ARB2A: variants seen among roughly 807,000 people sequenced by gnomAD.
The protein encoded by ARB2A is ARB2 cotranscriptional regulator A.
At chr5:94,052,219 C>T in the ARB2A span, among the ~76,000 whole-genome samples, 4 of 152,050 alleles carry the variant, frequency 2.6e-5, no homozygotes, top group African/African-American at 9.7e-5. Context: ...AGGGGTATTC[C>T]CGGGGTAATC....
At chr5:93,621,214 CTCCCGACCACCCGG>C in the ARB2A span, 4 of 1,330,290 alleles carry the variant, frequency 3.0e-6, no homozygotes, top group Non-Finnish European at 3.9e-6. Context: ...CGAGCCCCGG[CTCCCGACCACCCGG>C]TCCCGCCCCT....
At chr5:93,936,973 CT>C in the ARB2A span, among the ~76,000 whole-genome samples, 1 of 145,226 alleles carries the variant, frequency 6.9e-6, no homozygotes, top group Admixed American at 6.9e-5. Context: ...CGGAGTCTCG[CT>C]CTGTCACCCA....
chr5:93,833,805 T>C, the ARB2A span, among the ~76,000 whole-genome samples: 1 of 152,158 alleles, frequency 6.6e-6, no homozygotes, highest in African/African-American at 2.4e-5. Flanking sequence ...CTGAGCAGGG[T>C]TTTTACACCT....
the ARB2A span, among the ~76,000 whole-genome samples, chr5:93,762,030 T>G: frequency 1.3e-5 from 2 of 151,430 alleles, no homozygotes; most frequent in East Asian, 3.9e-4. Flanking sequence ...AGAAAGGACA[T>G]CCACACCAAA....
At chr5:93,674,121 A>G in the ARB2A span, among the ~76,000 whole-genome samples, 1 of 152,246 alleles carries the variant, frequency 6.6e-6, no homozygotes, top group East Asian at 1.9e-4. Context: ...TAGTGGAAAC[A>G]AGATCATGGG....
chr5:93,650,951 C>T, the ARB2A span, among the ~76,000 whole-genome samples: 1 of 152,036 alleles, frequency 6.6e-6, no homozygotes, highest in African/African-American at 2.4e-5. Flanking sequence ...ATGGCTGTCC[C>T]ACTGCACTCT....
chr5:93,756,923 A>C, the ARB2A span, among the ~76,000 whole-genome samples: 1 of 152,206 alleles, frequency 6.6e-6, no homozygotes, highest in Non-Finnish European at 1.5e-5. Flanking sequence ...TTATTAAGCT[A>C]ATCAGGGAGG....
At chr5:94,025,140 T>C in the ARB2A span, among the ~76,000 whole-genome samples, 1 of 152,222 alleles carries the variant, frequency 6.6e-6, no homozygotes, top group African/African-American at 2.4e-5. Flanking sequence ...CAGGCATAGA[T>C]GGACTACATT....
At chr5:94,086,455 C>A in the ARB2A span, among the ~76,000 whole-genome samples, 2 of 152,124 alleles carry the variant, frequency 1.3e-5, no homozygotes, top group East Asian at 3.9e-4. Flanking sequence ...TATAAACAAA[C>A]ATACTGCACT....
the ARB2A span, among the ~76,000 whole-genome samples, chr5:93,696,400 C>A: frequency 6.6e-6 from 1 of 152,168 alleles, no homozygotes; most frequent in African/African-American, 2.4e-5. Flanking sequence ...TATGAATCTT[C>A]AAATCCTACC....
the ARB2A span, among the ~76,000 whole-genome samples, chr5:93,806,774 T>C: frequency 1.3e-5 from 2 of 151,928 alleles, no homozygotes; most frequent in Non-Finnish European, 2.9e-5. Flanking sequence ...GCTTATGATA[T>C]AGAGTGACAC....
At chr5:93,918,430 C>CTTT in the ARB2A span, among the ~76,000 whole-genome samples, 41 of 107,324 alleles carry the variant, frequency 3.8e-4, no homozygotes, top group African/African-American at 6.4e-4. Flanking sequence ...TTCCAAATTT[C>CTTT]TTTTTTTTTT....
the ARB2A span, among the ~76,000 whole-genome samples, chr5:93,763,573 C>T: frequency 6.6e-6 from 1 of 152,148 alleles, no homozygotes; most frequent in East Asian, 1.9e-4. Context: ...TACAAAGAGA[C>T]TTAGACTCCC....
the ARB2A span, among the ~76,000 whole-genome samples, chr5:93,759,662 T>A: frequency 1.3e-5 from 2 of 152,164 alleles, no homozygotes; most frequent in Admixed American, 6.5e-5. Flanking sequence ...ATCATCTCAA[T>A]AGATGCAGAA....
the ARB2A span, among the ~76,000 whole-genome samples, chr5:93,764,985 A>C: frequency 1.4e-4 from 21 of 152,306 alleles, no homozygotes; most frequent in South Asian, 2.7e-3. Context: ...CCTTTGACAA[A>C]ATTCAACAAC....
At chr5:93,822,759 T>C in the ARB2A span, among the ~76,000 whole-genome samples, 1 of 152,002 alleles carries the variant, frequency 6.6e-6, no homozygotes, top group Admixed American at 6.6e-5. Flanking sequence ...AGATATCTAT[T>C]ATATATATCA....
chr5:93,766,978 G>A, the ARB2A span, among the ~76,000 whole-genome samples: 3 of 148,196 alleles, frequency 2.0e-5, no homozygotes, highest in Admixed American at 6.9e-5. Context: ...TCATAGGTGG[G>A]CATTGAACAA....
the ARB2A span, among the ~76,000 whole-genome samples, chr5:93,859,400 G>A: frequency 6.6e-6 from 1 of 151,338 alleles, no homozygotes; most frequent in South Asian, 2.1e-4. Context: ...AATGTGAAAG[G>A]AAAAACTCTA....
the ARB2A span, among the ~76,000 whole-genome samples, chr5:93,866,704 T>C: frequency 6.6e-6 from 1 of 152,208 alleles, no homozygotes; most frequent in East Asian, 1.9e-4. Flanking sequence ...TCCATATGCA[T>C]GGACTGTGGT....
Sources: gnomAD v4.1 joint callset for allele counts (sites outside exome capture counted in the v4.1 genomes callset) on GRCh38, gnomAD v4.1.1 for gene constraint, MANE v1.5 for transcripts, NCBI Gene and HGNC (gene_info 2026-07-23, HGNC 2026-07-21) for gene names.